RBM8A: variants seen among roughly 807,000 people sequenced by gnomAD.
RBM8A encodes the protein RNA binding motif protein 8A.
Under a neutral mutation model 25.1 loss-of-function variants are expected in RBM8A, and 8 were observed. The ratio of observed to expected loss-of-function variants is 0.32; its 90% CI spans 0.19 to 0.58. RBM8A has a LOEUF of 0.58. Ranked by LOEUF, RBM8A falls within the 20% of genes least tolerant of loss-of-function variation. RBM8A has a pLI of 0.88. For missense variants in RBM8A, 114 were observed against 236.8 expected (o/e 0.48, Z 3.40); for synonymous variants, 66 against 80.0 (o/e 0.82, Z 0.94).
chr1:145,927,220 G>A, intron 1 of RBM8A, 140 bp downstream of exon 1: 2 of 1,453,604 alleles, frequency 1.4e-6, no homozygotes, highest in Non-Finnish European at 9.4e-7. Flanking sequence ...TTCTCCTGAA[G>A]GGGGCGGAAT....
rs1647899139 is a variant in RBM8A, at chr1:145,923,215, C to T, written c.*2667G>A. On this transcript the variant is annotated 3_prime_UTR_variant, in exon 6 of 6. Transcript: ENST00000583313. ...AAGTGCTGGGATTACAGGCGTGAGC[C>T]ACCGCGCCCAGCCAGCTTTGACTAT... 6.6e-6 allele frequency: 1 copy of T among 152,124 alleles called. No individual in the cohort carries two copies. The highest frequency in any genetic ancestry group is 1.5e-5 in the Non-Finnish European group (1 of 68,086). The allele number at this position is 152,124 out of a possible 1,614,324, so 9.4% of individuals were successfully genotyped here.
intron 1 of RBM8A, 80 bp from the exon 2 acceptor site, chr1:145,927,157 C>G: frequency 6.4e-7 from 1 of 1,556,788 alleles, no homozygotes; most frequent in Non-Finnish European, 8.8e-7. Context: ...ACACTACCAG[C>G]AAGCCGACCC....
In RBM8A at chr1:145,923,611, C is replaced by G. The variant is rs1326288662; in HGVS notation, c.*2271G>C. On this transcript the variant is annotated 3_prime_UTR_variant, in exon 6 of 6. Transcript: ENST00000583313. The stretch of plus-strand genomic sequence containing the variant: ...AGTTTTTACTGATTCAGTTGGAAAA[C>G]CCAGCAATTTAACAAAAAGGGGGAG... The G allele has an allele frequency of 3.4e-6, 1 of 297,026 alleles. No individual in the cohort carries two copies. 18.4% of individuals were successfully genotyped at this position (297,026 alleles called of 1,614,324 possible).
chr1:145,926,306 C>G (rs763865027), intron 4 of RBM8A, 129 bp from the exon 5 acceptor site: 574 of 1,431,976 alleles, frequency 4.0e-4, no homozygotes, highest in Non-Finnish European at 5.4e-4. Flanking sequence ...TCATATATCT[C>G]TACTGTATAT....
chr1:145,925,890 G>A lies in RBM8A; in HGVS notation c.517C>T (p.Arg173Cys), dbSNP rs782177671. 3.7e-6 allele frequency: 6 copies of A among 1,613,802 alleles called. No homozygotes were observed. Among genetic ancestry groups the A allele is most frequent in the South Asian group, 2.2e-5 (2 of 91,086 alleles). The stretch of plus-strand genomic sequence containing the variant: ...GGACAACAGAGGACCTGTCAGCGAC[G>A]TCTCCGGTCTGGACTTCTGCTGCGT... Reference protein sequence around the residue: ...RRRSRSPDRRRR With the variant: ...RRRSRSPDRRCR The change falls in exon 6 of 6, where the codon CGT (arginine) becomes TGT (cysteine). Residue 173 changes from arginine to cysteine, a missense_variant. Transcript: ENST00000583313.
At position 145,927,354 on chromosome 1, in the gene RBM8A, C is replaced by G. The variant is rs1553756177; in HGVS notation, c.67+6G>C. 5.0e-6 allele frequency: 8 copies of G among 1,611,936 alleles called. 1 individual carries two copies. In the Middle Eastern group the frequency reaches 6.6e-4, roughly 133 times the overall value. ...GCTTCCCACCAGCCGTCTCCACTGT[C>G]CTCACCGTCCCCATCCTCATCCATG... On this transcript the variant is annotated splice_donor_region_variant and intron_variant, in intron 1 of 5. Coordinates refer to ENST00000583313, the MANE Select transcript of RBM8A (RefSeq NM_005105.5).
chr1:145,922,960 C>T lies in RBM8A; in HGVS notation c.*2922G>A, dbSNP rs1189275822. 1 of 149,758 alleles carries T rather than the reference C, an allele frequency of 6.7e-6. No homozygotes were observed. The highest frequency in any genetic ancestry group is 2.4e-5 in the African/African-American group (1 of 40,822). The allele number at this position is 149,758 out of a possible 1,614,324, so 9.3% of individuals were successfully genotyped here. A position where few individuals can be genotyped will look rare whatever the true frequency, so the allele number is the denominator to read the frequency against. ...TTTTTTGGAGACAGTCTTACTCTGTCGCCCAGGCTGGAGTGCAATGGCGCA... is the reference window on the plus strand; with the variant it reads ...TTTTTTGGAGACAGTCTTACTCTGTTGCCCAGGCTGGAGTGCAATGGCGCA... On this transcript the variant is annotated 3_prime_UTR_variant, in exon 6 of 6. Coordinates refer to ENST00000583313, the MANE Select transcript of RBM8A (RefSeq NM_005105.5).
chr1:145,926,060 G>C lies in RBM8A; in HGVS notation c.460C>G (p.Pro154Ala). 6.2e-7 allele frequency: 1 copy of C among 1,614,150 alleles called. No individual in the cohort carries two copies. Among genetic ancestry groups the C allele is most frequent in the South Asian group, 1.1e-5 (1 of 91,082 alleles). Residue 154 changes from proline (P) to alanine (A), a missense_variant, in exon 5 of 6, where the codon CCA (proline) becomes GCA (alanine). This residue lies in a region of RBM8A where 102 missense variants were observed against 182.7 expected (regional missense o/e 0.56). Transcript: ENST00000583313. The part of the protein sequence containing the change: ...ISVDWCFVRG[P>A]PKGKRRGGRR... ...TTTTACCTCCTCTTGCCTTTTGGTG[G>C]ACCCCGAACAAAACACCAGTCAACG...
chr1:145,926,663 T>A, intron 3 of RBM8A, 45 bp from the exon 4 acceptor site: 1 of 1,612,990 alleles, frequency 6.2e-7, no homozygotes, highest in African/African-American at 1.3e-5. Flanking sequence ...TGAGAGACAC[T>A]TTAAGCAGGC....
intron 4 of RBM8A, 24 bp from the exon 5 acceptor site, chr1:145,926,201 A>G: frequency 6.2e-7 from 1 of 1,609,298 alleles, no homozygotes; most frequent in Non-Finnish European, 8.5e-7. Context: ...AAAGACAGAT[A>G]TGAAAACCCT....
At chr1:145,926,648 G>C (rs781982663) in intron 3 of RBM8A, 30 bp from the exon 4 acceptor site, 3 of 1,613,412 alleles carry the variant, frequency 1.9e-6, no homozygotes, top group Non-Finnish European at 2.5e-6. Flanking sequence ...AGTTGTATGA[G>C]TACATGAGAG....
At position 145,924,256 on chromosome 1, in the gene RBM8A, C is replaced by A. The variant is rs587703172; in HGVS notation, c.*1626G>T. ...CTCAATGGCAAGAGACCACCTATAA[C>A]CTCTTCACCTTCTGCTGCCTCTTTC... On this transcript the variant is annotated 3_prime_UTR_variant, in exon 6 of 6. Coordinates refer to ENST00000583313, the MANE Select transcript of RBM8A (RefSeq NM_005105.5). 3.3e-6 allele frequency: 2 copies of A among 608,334 alleles called. No homozygotes were observed. The highest frequency in any genetic ancestry group is 3.6e-5 in the African/African-American group (2 of 55,090). 37.7% of individuals were successfully genotyped at this position (608,334 alleles called of 1,614,324 possible).
At position 145,926,590 on chromosome 1, in the gene RBM8A, A is replaced by G; in HGVS notation, c.234T>C (p.Thr78=). The G allele has an allele frequency of 6.2e-7, 1 of 1,614,120 alleles. No individual in the cohort carries two copies. The highest frequency in any genetic ancestry group is 8.5e-7 in the Non-Finnish European group (1 of 1,180,012). ...RSVEGWILFV[T]GVHEEATEED... is the part of the protein sequence containing the mutation. Reference sequence around the variant, plus strand: ...CTTCGGTGGCTTCCTCATGGACTCCAGTTACAAAGAGAATCCAGCCTTCAA... The same window carrying G: ...CTTCGGTGGCTTCCTCATGGACTCCGGTTACAAAGAGAATCCAGCCTTCAA... The change falls in exon 4 of 6, where the codon ACT becomes ACC. Residue 78 remains threonine (T), a synonymous_variant. Coordinates refer to ENST00000583313, the MANE Select transcript of RBM8A (RefSeq NM_005105.5).
chr1:145,926,019 G>A (rs1403964055), intron 5 of RBM8A, 22 bp downstream of exon 5: 2 of 1,614,096 alleles, frequency 1.2e-6, no homozygotes, highest in Non-Finnish European at 1.7e-6. Flanking sequence ...CACCCAGACA[G>A]TATTTGCCCT....
At position 145,926,789 on chromosome 1, in the gene RBM8A, C is replaced by T; in HGVS notation, c.205+20G>A. On this transcript the variant is annotated intron_variant, in intron 3 of 5. Transcript: ENST00000583313. ...TACTACCACAGACACGGATACCTCA[C>T]AGGTTCCATTATTACTCACAGCGTT... 2 of 1,614,178 alleles carry T rather than the reference C, an allele frequency of 1.2e-6. No individual in the cohort carries two copies. The highest frequency in any genetic ancestry group is 2.2e-5 in the South Asian group (2 of 91,084).
chr1:145,924,419 G>A lies in RBM8A; in HGVS notation c.*1463C>T. On this transcript the variant is annotated 3_prime_UTR_variant, in exon 6 of 6. Transcript: ENST00000583313. ...CTTAACCCTAGACCTGTTGCCTCTA[G>A]CATCATTTATTTATCTACCTACCTA... 1 of 461,204 alleles carries A rather than the reference G, an allele frequency of 2.2e-6. No individual in the cohort carries two copies. Among genetic ancestry groups the A allele is most frequent in the Non-Finnish European group, 4.5e-6 (1 of 220,868 alleles). The allele number at this position is 461,204 out of a possible 1,614,324, so 28.6% of individuals were successfully genotyped here.
At chr1:145,926,658 G>T (rs1553755978) in intron 3 of RBM8A, 40 bp from the exon 4 acceptor site, 2 of 1,613,078 alleles carry the variant, frequency 1.2e-6, no homozygotes, top group South Asian at 2.2e-5. Context: ...GTACATGAGA[G>T]ACACTTTAAG....
intron 5 of RBM8A, 57 bp from the exon 6 acceptor site, chr1:145,925,984 C>T (rs1648132185): frequency 6.2e-7 from 1 of 1,614,166 alleles, no homozygotes; most frequent in South Asian, 1.1e-5. Context: ...ACTAAGTCCT[C>T]ATTCTGTTTC....
rs1459562781 is a variant in RBM8A at position 145,927,222 on chromosome 1, G to A, written c.67+138C>T. The A allele has an allele frequency of 1.5e-4, 214 of 1,452,252 alleles. No homozygotes were observed. The African/African-American group carries it at 2.1e-3, about 14-fold the overall frequency. The allele number at this position is 1,452,252 out of a possible 1,614,324, so 90.0% of individuals were successfully genotyped here. On this transcript the variant is annotated intron_variant, in intron 1 of 5. Transcript: ENST00000583313. ...GTCACGCCCTCCCTTCTCCTGAAGG[G>A]GGCGGAATCTCTAATCCACCCAAGA... is the stretch of plus-strand genomic sequence containing the variant.
Sources: allele counts gnomAD v4.1 joint callset, GRCh38; gene constraint gnomAD v4.1.1; regional missense constraint gnomAD v4.1.1; transcripts MANE v1.5; gene names NCBI Gene and HGNC (gene_info 2026-07-23, HGNC 2026-07-21).